The following MAN1A1 variants were observed in gnomAD, a reference collection of about 807,000 sequenced individuals.
MAN1A1 encodes mannosyl-oligosaccharide 1,2-alpha-mannosidase IA.
A neutral mutation model predicts 70.8 loss-of-function variants in MAN1A1; 29 were observed. The observed-to-expected ratio is 0.41, with a 90% CI of 0.31 to 0.56. The LOEUF (loss-of-function observed/expected upper bound fraction) is 0.56, where lower values mean the gene tolerates loss of function less well. Among genes scored for constraint, MAN1A1 ranks in the 20% least tolerant of loss-of-function variants. The probability of loss-of-function intolerance (pLI) is 0.29; values close to 1 mark genes in which losing one functional copy is unlikely to be tolerated. For missense variants in MAN1A1, 747 were observed against 841.3 expected, an observed-to-expected ratio of 0.89 and a Z score of 1.39; for synonymous variants, 349 against 330.1, an observed-to-expected ratio of 1.06 and a Z score of -0.62.
rs1055412523 is a variant in MAN1A1, at chr6:119,349,298, A to T, written c.-222-11T>A. ...CGCTGGCTGCAGCCCCTGCGGGGAG[A>T]GAAACAGTAAAACGTAGTAATTACG... On this transcript the variant is annotated splice_polypyrimidine_tract_variant and intron_variant, in intron 1 of 12. Coordinates refer to ENST00000368468, the MANE Select transcript of MAN1A1 (RefSeq NM_005907.4). 3 of 1,201,010 alleles carry T rather than the reference A, an allele frequency of 2.5e-6. No individual in the cohort carries two copies. In the African/African-American group the frequency reaches 4.8e-5, roughly 19 times the overall value. 74.4% of individuals were successfully genotyped at this position (1,201,010 alleles called of 1,614,324 possible).
intron 2 of MAN1A1, among the ~76,000 whole-genome samples, chr6:119,307,888 G>A (rs144315847): frequency 2.6e-5 from 4 of 152,006 alleles, no homozygotes; most frequent in East Asian, 3.9e-4. Flanking sequence ...TATTATTTAC[G>A]GGCCATTTAC....
intron 2 of MAN1A1, among the ~76,000 whole-genome samples, chr6:119,324,502 C>T (rs1773098538): frequency 6.6e-6 from 1 of 152,114 alleles, no homozygotes; most frequent in South Asian, 2.1e-4. Flanking sequence ...CCTGTAATTT[C>T]ATCCTTATAA....
intron 6 of MAN1A1, among the ~76,000 whole-genome samples, chr6:119,235,651 G>T (rs1774822263): frequency 6.6e-6 from 1 of 152,136 alleles, no homozygotes; most frequent in African/African-American, 2.4e-5. Context: ...TGTGTTAGTG[G>T]CCACACTAAC....
intron 6 of MAN1A1, among the ~76,000 whole-genome samples, chr6:119,221,034 A>AT (rs1163776316): frequency 6.6e-6 from 1 of 151,288 alleles, no homozygotes; most frequent in Non-Finnish European, 1.5e-5. Context: ...AAGAAGTCCA[A>AT]TTTTTTAATA....
Position 119,262,566 on chromosome 6 carries a change from G to T in MAN1A1, c.898-14212C>A, listed in dbSNP as rs189822398. The stretch of plus-strand genomic sequence containing the variant: ...TTTAGTTCAGCCATTGTGGAAAGTA[G>T]TTTGGTGATTTCTCAAAGAATTTAA... On this transcript the variant is annotated intron_variant, in intron 5 of 12. Transcript: ENST00000368468. 5.3e-5 allele frequency among the ~76,000 whole-genome samples: 8 copies of T among 152,282 alleles called. No individual in the cohort carries two copies. The East Asian group carries it at 1.2e-3, about 22-fold the overall frequency.
chr6:119,205,042 G>T (rs1773822208), intron 6 of MAN1A1, among the ~76,000 whole-genome samples, 160 bp from the exon 7 acceptor site: 1 of 152,224 alleles, frequency 6.6e-6, no homozygotes, highest in African/African-American at 2.4e-5. Context: ...TTGGCTACCA[G>T]TTTTAGGGTT....
intron 2 of MAN1A1, among the ~76,000 whole-genome samples, chr6:119,338,943 G>A (rs563129892): frequency 2.6e-5 from 4 of 152,144 alleles, no homozygotes; most frequent in East Asian, 1.9e-4. Context: ...TCATTGAGCC[G>A]GCTTGCCAGA....
At chr6:119,242,150 T>TA (rs1775030583) in intron 6 of MAN1A1, among the ~76,000 whole-genome samples, 1 of 41,752 alleles carries the variant, frequency 2.4e-5, no homozygotes, top group East Asian at 6.5e-4. Flanking sequence ...CACACTTTCA[T>TA]AGACTGGGTT....
Position 119,214,737 on chromosome 6 carries a change from C to T in MAN1A1, c.993-9855G>A, listed in dbSNP as rs927067454. On this transcript the variant is annotated intron_variant, in intron 6 of 12. Coordinates refer to ENST00000368468, the MANE Select transcript of MAN1A1 (RefSeq NM_005907.4). ...CCCAGGCTGGTCTCCAACTTGTGAG[C>T]TCAAGTGATCTGCCTGCCTTGGCCT... Among the ~76,000 whole-genome samples the T allele has an allele frequency of 3.7e-4, 56 of 151,976 alleles. 1 individual carries two copies. The highest frequency in any genetic ancestry group is 1.2e-3 in the African/African-American group (49 of 41,356).
intron 6 of MAN1A1, among the ~76,000 whole-genome samples, chr6:119,218,973 T>C (rs983507916): frequency 6.6e-6 from 1 of 152,314 alleles, no homozygotes. Flanking sequence ...TTTGGTGATG[T>C]TTTTGTGACC....
At chr6:119,210,915 G>A (rs1198021876) in intron 6 of MAN1A1, 1 of 456,094 alleles carries the variant, frequency 2.2e-6, no homozygotes, top group South Asian at 1.6e-5. Flanking sequence ...TAGCCCTTGG[G>A]ATATTGCACA....
At chr6:119,299,569 G>T (rs897342679) in intron 4 of MAN1A1, among the ~76,000 whole-genome samples, 2 of 151,388 alleles carry the variant, frequency 1.3e-5, no homozygotes, top group African/African-American at 2.4e-5. Context: ...CATACTAATT[G>T]AGTAAAATTT....
intron 4 of MAN1A1, among the ~76,000 whole-genome samples, chr6:119,292,919 A>G (rs1772086180): frequency 6.6e-6 from 1 of 152,094 alleles, no homozygotes; most frequent in Non-Finnish European, 1.5e-5. Context: ...CCATGTATTT[A>G]GTTTGGTTCA....
chr6:119,203,571 G>A (rs1276917209), intron 7 of MAN1A1, among the ~76,000 whole-genome samples: 1 of 152,008 alleles, frequency 6.6e-6, no homozygotes, highest in Non-Finnish European at 1.5e-5. Flanking sequence ...CTACTGTATG[G>A]TGTACATACA....
chr6:119,195,938 CTAAG>C (rs1773557942), intron 8 of MAN1A1, among the ~76,000 whole-genome samples: 1 of 152,160 alleles, frequency 6.6e-6, no homozygotes, highest in African/African-American at 2.4e-5. Flanking sequence ...ACTAAATAGA[CTAAG>C]TACGAACTCA....
intron 6 of MAN1A1, among the ~76,000 whole-genome samples, chr6:119,210,201 G>C (rs1774009155): frequency 6.6e-6 from 1 of 152,186 alleles, no homozygotes; most frequent in Non-Finnish European, 1.5e-5. Flanking sequence ...ACCTGCTCCT[G>C]AGAGGTTCAA....
chr6:119,270,065 G>A (rs181622141), intron 5 of MAN1A1, among the ~76,000 whole-genome samples: 90 of 152,296 alleles, frequency 5.9e-4, no homozygotes, highest in African/African-American at 2.1e-3. Flanking sequence ...GCCTCTTCCA[G>A]TTGGCTCCTG....
intron 2 of MAN1A1, among the ~76,000 whole-genome samples, chr6:119,333,705 A>G (rs945700254): frequency 2.3e-4 from 35 of 152,240 alleles, no homozygotes; most frequent in African/African-American, 8.4e-4. Context: ...ACCTGTATTT[A>G]TCAAGAATAC....
chr6:119,274,670 G>A lies in MAN1A1; in HGVS notation c.897+16013C>T, dbSNP rs531694083. Among the ~76,000 whole-genome samples the A allele has an allele frequency of 3.9e-5, 6 of 152,088 alleles. No individual in the cohort carries two copies. In the East Asian group the frequency reaches 1.2e-3, roughly 29 times the overall value. The stretch of plus-strand genomic sequence containing the variant: ...AAAAGGCTGAATGTATACCTTAACT[G>A]TCACAATGTCACACCAAAATATATA... On this transcript the variant is annotated intron_variant, in intron 5 of 12. Coordinates refer to ENST00000368468, the MANE Select transcript of MAN1A1 (RefSeq NM_005907.4).
Sources: gnomAD v4.1 joint callset for allele counts (sites outside exome capture counted in the v4.1 genomes callset) on GRCh38, gnomAD v4.1.1 for gene constraint, MANE v1.5 for transcripts, NCBI Gene and HGNC (gene_info 2026-07-23, HGNC 2026-07-21) for gene names.